GPC6: variants seen among roughly 807,000 people sequenced by gnomAD.
GPC6 encodes glypican-6.
Under a neutral mutation model 55.2 loss-of-function variants are expected in GPC6, and 14 were observed. The ratio of observed to expected loss-of-function variants is 0.25; its 90% CI spans 0.17 to 0.40. GPC6 has a LOEUF of 0.40. Among genes scored for constraint, GPC6 ranks in the 10% least tolerant of loss-of-function variants. The probability of loss-of-function intolerance (pLI) is 1.00; values close to 1 mark genes in which losing one functional copy is unlikely to be tolerated. For missense variants in GPC6, 641 were observed against 708.5 expected, an observed-to-expected ratio of 0.90 and a Z score of 1.08; for synonymous variants, 278 against 259.6, an observed-to-expected ratio of 1.07 and a Z score of -0.68.
At chr13:94,078,539 A>G (rs185416076) in intron 4 of GPC6, among the ~76,000 whole-genome samples, 1 of 152,040 alleles carries the variant, frequency 6.6e-6, no homozygotes, top group African/African-American at 2.4e-5. Context: ...GCAGCAAATA[A>G]AATTAAAAAT....
chr13:93,322,935 C>T (rs994751477), intron 1 of GPC6, among the ~76,000 whole-genome samples: 3 of 152,016 alleles, frequency 2.0e-5, no homozygotes, highest in East Asian at 1.9e-4. Context: ...GCTATCCCTC[C>T]CCTAGCCCCC....
chr13:93,255,826 C>A (rs887938567), intron 1 of GPC6, among the ~76,000 whole-genome samples: 1 of 151,938 alleles, frequency 6.6e-6, no homozygotes, highest in African/African-American at 2.4e-5. Context: ...ATAGTAAATA[C>A]AAATTTTCTT....
At chr13:94,049,998 G>A (rs1883884293) in intron 4 of GPC6, among the ~76,000 whole-genome samples, 2 of 152,014 alleles carry the variant, frequency 1.3e-5, no homozygotes, top group South Asian at 4.1e-4. Context: ...ATTCTCTCTT[G>A]TCTGCTGCCA....
chr13:93,580,642 T>A (rs1158264833), intron 2 of GPC6, among the ~76,000 whole-genome samples: 1 of 152,204 alleles, frequency 6.6e-6, no homozygotes, highest in African/African-American at 2.4e-5. Flanking sequence ...TTAGCACATT[T>A]TACTCCTGAG....
At chr13:94,019,308 G>T (rs145462150) in intron 3 of GPC6, among the ~76,000 whole-genome samples, 140 of 152,138 alleles carry the variant, frequency 9.2e-4, no homozygotes, top group Non-Finnish European at 1.7e-3. Context: ...TCTTTCCAGG[G>T]ATTTTTTGTA....
At chr13:93,394,232 T>C (rs1299188642) in intron 1 of GPC6, among the ~76,000 whole-genome samples, 2 of 152,228 alleles carry the variant, frequency 1.3e-5, no homozygotes, top group African/African-American at 2.4e-5. Context: ...ATGGAGCTCA[T>C]GGAATTTGAT....
intron 4 of GPC6, among the ~76,000 whole-genome samples, chr13:94,189,200 A>G (rs960455590): frequency 3.9e-5 from 6 of 151,998 alleles, no homozygotes; most frequent in African/African-American, 1.5e-4. Context: ...TCTGCTTGGT[A>G]AGTCTGTGTG....
At chr13:93,329,726 A>G (rs1879774712) in intron 1 of GPC6, among the ~76,000 whole-genome samples, 1 of 152,120 alleles carries the variant, frequency 6.6e-6, no homozygotes, top group African/African-American at 2.4e-5. Flanking sequence ...GAAACACCGC[A>G]AGCGTAAGTG....
chr13:94,086,783 TTAA>T (rs1286593279), intron 4 of GPC6, among the ~76,000 whole-genome samples: 1 of 152,216 alleles, frequency 6.6e-6, no homozygotes, highest in Non-Finnish European at 1.5e-5. Context: ...TCTCGATTTT[TTAA>T]TAATCTTTTT....
At chr13:94,199,111 C>A (rs772126893) in intron 4 of GPC6, among the ~76,000 whole-genome samples, 1 of 152,184 alleles carries the variant, frequency 6.6e-6, no homozygotes, top group Non-Finnish European at 1.5e-5. Flanking sequence ...GTGCTGGAAG[C>A]TACATTAGAC....
chr13:93,416,949 T>G (rs1222674607), intron 1 of GPC6, among the ~76,000 whole-genome samples: 2 of 152,148 alleles, frequency 1.3e-5, no homozygotes, highest in African/African-American at 4.8e-5. Flanking sequence ...CCTTGATCAT[T>G]GAATCACTTG....
chr13:93,473,770 A>C (rs1417718741), intron 1 of GPC6, among the ~76,000 whole-genome samples: 3 of 152,116 alleles, frequency 2.0e-5, no homozygotes, highest in African/African-American at 7.2e-5. Flanking sequence ...TCCCAGGCCC[A>C]GCTCCACCTC....
intron 2 of GPC6, among the ~76,000 whole-genome samples, chr13:93,774,308 G>C (rs1446256912): frequency 6.6e-6 from 1 of 152,154 alleles, no homozygotes; most frequent in Non-Finnish European, 1.5e-5. Context: ...GAAGAGTGTA[G>C]TCTTTGCCTA....
At chr13:93,224,145 G>T (rs867887076), upstream of GPC6, among the ~76,000 whole-genome samples, 33 of 150,240 alleles carry the variant, frequency 2.2e-4, no homozygotes, top group African/African-American at 7.1e-4. Flanking sequence ...TGATCTGCCC[G>T]CCTCGGCCTC....
At chr13:93,429,570 T>C (rs1163310095) in intron 1 of GPC6, among the ~76,000 whole-genome samples, 2 of 152,140 alleles carry the variant, frequency 1.3e-5, no homozygotes, top group African/African-American at 2.4e-5. Context: ...TTAAGTAAAC[T>C]AGGCAGCAGA....
intron 2 of GPC6, among the ~76,000 whole-genome samples, chr13:93,565,846 C>T (rs535854213): frequency 2.5e-4 from 38 of 150,668 alleles, no homozygotes; most frequent in East Asian, 9.8e-4. Context: ...CACTTGAACC[C>T]GGGAGGCGGA....
At chr13:94,372,406 G>A (rs147605681) in intron 6 of GPC6, among the ~76,000 whole-genome samples, 3,876 of 152,274 alleles carry the variant, frequency 0.025, 199 homozygotes, top group East Asian at 0.23. Flanking sequence ...CTTGGGAAGC[G>A]CAAGGGGTCA....
At chr13:94,249,060 G>T (rs1207938350) in intron 4 of GPC6, among the ~76,000 whole-genome samples, 1 of 152,064 alleles carries the variant, frequency 6.6e-6, no homozygotes, top group South Asian at 2.1e-4. Context: ...GTAACATATG[G>T]CCAGTTAGTC....
At chr13:93,639,061 G>T (rs997251766) in intron 2 of GPC6, among the ~76,000 whole-genome samples, 2 of 152,014 alleles carry the variant, frequency 1.3e-5, no homozygotes, top group Admixed American at 6.6e-5. Flanking sequence ...GTACTACATT[G>T]TAGTGGAGGA....
Sources: allele counts gnomAD v4.1 joint callset (sites outside exome capture counted in the v4.1 genomes callset), GRCh38; gene constraint gnomAD v4.1.1; transcripts MANE v1.5; gene names NCBI Gene and HGNC (gene_info 2026-07-23, HGNC 2026-07-21).